Variants in CCDC171 observed in about 807,000 individuals in gnomAD.
The protein encoded by CCDC171 is coiled-coil domain-containing protein 171.
Under a neutral mutation model 168.2 loss-of-function variants are expected in CCDC171, and 177 were observed. The observed-to-expected ratio is 1.05, with a 90% confidence interval of 0.93 to 1.19. The LOEUF (loss-of-function observed/expected upper bound fraction) is 1.19. Ranked by LOEUF, CCDC171 falls within the 50% of genes most tolerant of loss-of-function variation. The pLI, the probability that CCDC171 is intolerant of heterozygous loss-of-function variation, is 0.00. For missense variants in CCDC171, 1,991 were observed against 1,539.0 expected (o/e 1.29, Z -4.91); for synonymous variants, 687 against 540.8 (o/e 1.27, Z -3.75).
chr9:15,670,793 G>T (rs1415307463), intron 9 of CCDC171, among the ~76,000 whole-genome samples: 1 of 151,964 alleles, frequency 6.6e-6, no homozygotes, highest in African/African-American at 2.4e-5. Context: ...ACTTTGTTTT[G>T]TTTATTGCTG....
rs75717274 is a variant in CCDC171 at position 15,980,274 on chromosome 9, G to A, written n.369-40315G>A. ...TCAGAAACAGGAATAATCTGCCCCC[G>A]AATTCAAACAACAACTGGACTTTGG... On this transcript the variant is annotated intron_variant and non_coding_transcript_variant, in intron 3 of 9. Transcript: ENST00000486641. Among the ~76,000 whole-genome samples the A allele has an allele frequency of 7.3e-3, 1,114 of 152,200 alleles. 18 individuals are homozygous for A. The highest frequency in any genetic ancestry group is 0.025 in the African/African-American group (1,055 of 41,524).
chr9:15,676,718 A>T (rs922458124), intron 9 of CCDC171, among the ~76,000 whole-genome samples: 2 of 152,086 alleles, frequency 1.3e-5, no homozygotes, highest in African/African-American at 2.4e-5. Context: ...TTATCAGAGG[A>T]AAATTTAAAA....
intron 6 of CCDC171, among the ~76,000 whole-genome samples, chr9:16,033,089 G>A (rs931274847): frequency 2.6e-4 from 39 of 152,318 alleles, no homozygotes; most frequent in African/African-American, 8.9e-4. Context: ...GGGAACTGGA[G>A]CTGGACAAAC....
chr9:15,950,968 G>A (rs1211228457), intron 25 of CCDC171, among the ~76,000 whole-genome samples: 4 of 151,390 alleles, frequency 2.6e-5, no homozygotes, highest in Non-Finnish European at 5.9e-5. Flanking sequence ...GGCAGGGGTT[G>A]CAATTCTAGT....
chr9:15,554,267 G>A (rs10121012), intron 1 of CCDC171, among the ~76,000 whole-genome samples: 3 of 152,080 alleles, frequency 2.0e-5, no homozygotes, highest in East Asian at 3.8e-4. Context: ...TGATCCGCCC[G>A]CCTCGGCCTC....
intron 23 of CCDC171, among the ~76,000 whole-genome samples, chr9:15,853,542 G>A (rs1215497146): frequency 6.6e-6 from 1 of 151,448 alleles, no homozygotes; most frequent in African/African-American, 2.4e-5. Flanking sequence ...TGTTATCTAT[G>A]AGTATAGTTT....
chr9:16,068,340 C>A, the CCDC171 span, among the ~76,000 whole-genome samples: 2 of 152,048 alleles, frequency 1.3e-5, no homozygotes, highest in Admixed American at 1.3e-4. Flanking sequence ...ATTCAATGCT[C>A]ATGGGTAGGA....
At chr9:16,096,913 A>G in the CCDC171 span, among the ~76,000 whole-genome samples, 63,149 of 152,014 alleles carry the variant, frequency 0.42, 13,814 homozygotes, top group African/African-American at 0.54. Flanking sequence ...GGGACCTTGA[A>G]TGGTACAATT....
intron 21 of CCDC171, among the ~76,000 whole-genome samples, chr9:15,816,276 G>A (rs2059558876): frequency 8.6e-6 from 1 of 116,958 alleles, no homozygotes; most frequent in East Asian, 2.1e-4. Flanking sequence ...AGTTCAATTT[G>A]TATAAACTTT....
chr9:15,644,388 G>A (rs987179225), intron 7 of CCDC171, among the ~76,000 whole-genome samples: 2 of 152,170 alleles, frequency 1.3e-5, no homozygotes, highest in South Asian at 2.1e-4. Flanking sequence ...CTTGTCAGAT[G>A]GTGGGTGCAG....
chr9:15,665,598 T>C (rs1358482623), intron 8 of CCDC171, among the ~76,000 whole-genome samples: 2 of 152,144 alleles, frequency 1.3e-5, no homozygotes, highest in East Asian at 1.9e-4. Flanking sequence ...CTGGGCAAGA[T>C]AGCAAGGCCC....
At chr9:15,855,786 G>C (rs545734733) in intron 23 of CCDC171, among the ~76,000 whole-genome samples, 3 of 151,748 alleles carry the variant, frequency 2.0e-5, no homozygotes, top group Non-Finnish European at 4.4e-5. Flanking sequence ...TAATGCCAAC[G>C]TAGTGCCAAT....
Position 15,676,527 on chromosome 9 carries a change from G to A in CCDC171, c.1077-2231G>A, listed in dbSNP as rs548925914. Among the ~76,000 whole-genome samples, 6 of 152,096 alleles carry A rather than the reference G, an allele frequency of 3.9e-5. No individual in the cohort carries two copies. In the South Asian group the frequency reaches 1.2e-3, roughly 32 times the overall value. ...CTGTTCCTATTTGGCCATCTTGGAAGCGCTCGAGCTGGACAAGTTGTTTTT... is the reference window on the plus strand; with the variant it reads ...CTGTTCCTATTTGGCCATCTTGGAAACGCTCGAGCTGGACAAGTTGTTTTT... On this transcript the variant is annotated intron_variant, in intron 9 of 25. Transcript: ENST00000380701.
At chr9:15,624,683 G>C (rs1019554130) in intron 7 of CCDC171, among the ~76,000 whole-genome samples, 49 of 152,218 alleles carry the variant, frequency 3.2e-4, no homozygotes, top group South Asian at 1.0e-3. Flanking sequence ...TGGTGTATAT[G>C]TGCCACATTT....
At chr9:15,564,226 T>C in intron 2 of CCDC171, 97 bp downstream of exon 2, 1 of 862,542 alleles carries the variant, frequency 1.2e-6, no homozygotes, top group Non-Finnish European at 1.9e-6. Context: ...AGAATTCTCA[T>C]GGGATGGTAA....
intron 18 of CCDC171, among the ~76,000 whole-genome samples, chr9:15,746,790 G>A (rs1254451092): frequency 6.6e-6 from 1 of 152,196 alleles, no homozygotes; most frequent in Non-Finnish European, 1.5e-5. Flanking sequence ...CTGAAGCAGG[G>A]CGGGGTGTCA....
Position 15,999,190 on chromosome 9 carries a change from G to T in CCDC171, n.369-21399G>T, listed in dbSNP as rs148927959. On this transcript the variant is annotated intron_variant and non_coding_transcript_variant, in intron 3 of 9. Transcript: ENST00000486641. The stretch of plus-strand genomic sequence containing the variant: ...TGCATCACTGCACTCCAGCCTGGGT[G>T]ACAGAGAGAGACCCTTTTGAAAAAA... Among the ~76,000 whole-genome samples, 758 of 149,518 alleles carry T rather than the reference G, an allele frequency of 5.1e-3. 6 individuals are homozygous for T. Among genetic ancestry groups the T allele is most frequent in the African/African-American group, 0.018 (742 of 40,566 alleles).
intron 18 of CCDC171, among the ~76,000 whole-genome samples, chr9:15,759,854 G>A (rs1424632124): frequency 2.0e-5 from 3 of 151,976 alleles, no homozygotes; most frequent in Non-Finnish European, 4.4e-5. Context: ...TTAATTATTT[G>A]TATATTCCAT....
chr9:16,074,057 A>ACCC, the CCDC171 span, among the ~76,000 whole-genome samples: 2 of 152,164 alleles, frequency 1.3e-5, no homozygotes, highest in African/African-American at 4.8e-5. Context: ...TCAGTTGCTT[A>ACCC]GTATCACTGG....
Sources: allele counts gnomAD v4.1 joint callset (sites outside exome capture counted in the v4.1 genomes callset), GRCh38; gene constraint gnomAD v4.1.1; transcripts MANE v1.5; gene names NCBI Gene and HGNC (gene_info 2026-07-23, HGNC 2026-07-21).